The following DNAAF1 variants were observed in gnomAD, a reference collection of about 807,000 sequenced individuals.
DNAAF1 encodes dynein assembly factor 1, axonemal.
In DNAAF1, 65 loss-of-function variants were observed where a neutral mutation model predicts 71.1. The observed-to-expected ratio is 0.91, with a 90% CI of 0.75 to 1.12. The LOEUF (loss-of-function observed/expected upper bound fraction) is 1.12. Ranked by LOEUF, DNAAF1 falls within the 50% of genes most tolerant of loss-of-function variation. The probability of loss-of-function intolerance (pLI) is 0.00; values close to 1 mark genes in which losing one functional copy is unlikely to be tolerated. For synonymous variants in DNAAF1, 414 were observed against 354.6 expected (o/e 1.17, Z -1.88); for missense variants, 1,178 against 899.8 (o/e 1.31, Z -3.96).
At position 84,175,004 on chromosome 16, in the gene DNAAF1, A is replaced by T. The variant is rs139190399; in HGVS notation, c.1698+282A>T. 0.024 allele frequency among the ~76,000 whole-genome samples: 3,662 copies of T among 152,032 alleles called. 161 individuals are homozygous for T. The highest frequency in any genetic ancestry group is 0.084 in the African/African-American group (3,465 of 41,458). The stretch of plus-strand genomic sequence containing the variant: ...CCAAGTAGCTGGGATTACAGGCATG[A>T]GCCACCACGCCCAGCTAATTTTTGT... On this transcript the variant is annotated intron_variant, in intron 10 of 11. Coordinates refer to ENST00000378553, the MANE Select transcript of DNAAF1 (RefSeq NM_178452.6).
At chr16:84,153,458 C>G (rs1474089016) in intron 3 of DNAAF1, among the ~76,000 whole-genome samples, 1 of 152,114 alleles carries the variant, frequency 6.6e-6, no homozygotes, top group Non-Finnish European at 1.5e-5. Context: ...TTTAAAAAGT[C>G]TATCTATACA....
chr16:84,148,117 C>G (rs750003524), intron 1 of DNAAF1, among the ~76,000 whole-genome samples: 10 of 152,048 alleles, frequency 6.6e-5, no homozygotes, highest in Admixed American at 2.0e-4. Flanking sequence ...TTCCTTTTCT[C>G]CCCTGTACCC....
At chr16:84,164,220 G>T (rs945168442) in intron 6 of DNAAF1, among the ~76,000 whole-genome samples, 7 of 152,136 alleles carry the variant, frequency 4.6e-5, no homozygotes, top group African/African-American at 1.7e-4. Flanking sequence ...TCTTACATTC[G>T]TGTGGTACGT....
intron 9 of DNAAF1, chr16:84,174,453 CTTTCA>C: frequency 7.0e-7 from 1 of 1,427,540 alleles, no homozygotes; most frequent in Non-Finnish European, 9.2e-7. Context: ...TGCAAGTTCC[CTTTCA>C]TTTATTAGAT....
Position 84,176,039 on chromosome 16 carries a change from C to G in DNAAF1, c.1805C>G (p.Thr602Ser). The G allele has an allele frequency of 6.2e-7, 1 of 1,614,190 alleles. No individual in the cohort carries two copies. Among genetic ancestry groups the G allele is most frequent in the Non-Finnish European group, 8.5e-7 (1 of 1,180,032 alleles). Residue 602 changes from threonine (T) to serine (S), a missense_variant, in exon 11 of 12, where the codon ACT (threonine) becomes AGT (serine). Thr to Ser is a moderately conservative substitution (Grantham distance 58). Coordinates refer to ENST00000378553, the MANE Select transcript of DNAAF1 (RefSeq NM_178452.6). ...GTGCTGGAAAACCTCCCCACAGACA[C>G]TCTGTCAAATATATTTGCAGTCTCT... Reference protein sequence around the residue: ...LPVLENLPTDTLSNIFAVSKD... With the variant: ...LPVLENLPTDSLSNIFAVSKD...
In DNAAF1 at chr16:84,169,840, T is replaced by A. The variant is rs535924456; in HGVS notation, c.1031-19T>A. On this transcript the variant is annotated intron_variant, in intron 7 of 11. Transcript: ENST00000378553. Reference sequence around the variant, plus strand: ...TCCCAGGACACTCCCACATTCACCTTTGCATTTTCTGCCATTAGGGGAGAT... The same window carrying A: ...TCCCAGGACACTCCCACATTCACCTATGCATTTTCTGCCATTAGGGGAGAT... 1.9e-6 allele frequency: 3 copies of A among 1,613,196 alleles called. No homozygotes were observed. The highest frequency in any genetic ancestry group is 2.2e-5 in the East Asian group (1 of 44,886).
rs754336069 is a variant in DNAAF1 at position 84,150,616 on chromosome 16, C to CTT, written c.352+290_352+291dup. ...TAAGGAATTTTTTTTTCTTTTCTTT[C>CTT]TTTTTTTTTTTTTTTTTGAGATGGT... On this transcript the variant is annotated intron_variant, in intron 3 of 11. Transcript: ENST00000378553. Among the ~76,000 whole-genome samples, 8,292 of 130,296 alleles carry CTT rather than the reference C, an allele frequency of 0.064. 403 individuals are homozygous for CTT. The highest frequency in any genetic ancestry group is 0.094 in the Non-Finnish European group (5,877 of 62,270). 85.5% of individuals were successfully genotyped at this position (130,296 alleles called of 152,430 possible).
At chr16:84,168,822 C>CCACACACACACACACA (rs1352763766) in intron 7 of DNAAF1, among the ~76,000 whole-genome samples, 2 of 42,346 alleles carry the variant, frequency 4.7e-5, no homozygotes, top group Non-Finnish European at 1.1e-4. Context: ...TACACATTTG[C>CCACACACACACACACA]CACATACACA....
Position 84,165,788 on chromosome 16 carries a change from G to A in DNAAF1, c.869G>A (p.Cys290Tyr), listed in dbSNP as rs1405763067. ...TTTCTTTGTTTTTTAAACAGAGCTTGTGCGGAGGCCTGGGCTAGGGGAGGG... is the reference window on the plus strand; with the variant it reads ...TTTCTTTGTTTTTTAAACAGAGCTTATGCGGAGGCCTGGGCTAGGGGAGGG... ...DRPVFPKDRA[C>Y]AEAWARGGYA... is the part of the protein sequence containing the mutation. The change falls in exon 7 of 12, where the codon TGT (cysteine) becomes TAT (tyrosine). Residue 290 changes from cysteine to tyrosine, a missense_variant. By Grantham distance (194) the Cys-to-Tyr change is radical. Transcript: ENST00000378553. The A allele has an allele frequency of 6.2e-7, 1 of 1,613,542 alleles. No individual in the cohort carries two copies. The highest frequency in any genetic ancestry group is 1.3e-5 in the African/African-American group (1 of 74,842).
At chr16:84,156,151 C>T (rs1439972560) in intron 5 of DNAAF1, among the ~76,000 whole-genome samples, 1 of 152,106 alleles carries the variant, frequency 6.6e-6, no homozygotes, top group African/African-American at 2.4e-5. Context: ...TTAGTAGATT[C>T]AGGGTTTCAT....
chr16:84,164,966 A>G (rs1250655607), intron 6 of DNAAF1, among the ~76,000 whole-genome samples: 2 of 152,100 alleles, frequency 1.3e-5, no homozygotes, highest in Admixed American at 1.3e-4. Flanking sequence ...TTGTAGCCAT[A>G]TCATGTTATC....
rs1323999244 is a variant in DNAAF1 at position 84,176,289 on chromosome 16, C to T, written c.2055C>T (p.Ala685=). 38 of 1,613,264 alleles carry T rather than the reference C, an allele frequency of 2.4e-5. 1 individual carries two copies. The Admixed American group carries it at 5.7e-4, about 24-fold the overall frequency. The part of the protein sequence containing the change: ...SGDRDSDFLA[A]SSPVPTESAA... The stretch of plus-strand genomic sequence containing the variant: ...ACAGGGACAGCGACTTCCTTGCAGC[C>T]TCTTCTCCGGGTAAGAGCGTGGGGC... The change falls in exon 11 of 12, where the codon GCC becomes GCT. Residue 685 remains alanine (A), a synonymous_variant. Transcript: ENST00000378553.
At chr16:84,163,997 G>A (rs910684485) in intron 6 of DNAAF1, among the ~76,000 whole-genome samples, 1 of 152,058 alleles carries the variant, frequency 6.6e-6, no homozygotes, top group Non-Finnish European at 1.5e-5. Flanking sequence ...TAGAGACGGG[G>A]TCTTGCCATG....
chr16:84,153,793 G>A (rs2087288786), intron 3 of DNAAF1, among the ~76,000 whole-genome samples: 1 of 152,110 alleles, frequency 6.6e-6, no homozygotes, highest in African/African-American at 2.4e-5. Context: ...ACAAAACAAG[G>A]CCCACAGTTT....
At chr16:84,172,955 C>G (rs1380104081) in intron 9 of DNAAF1, 1 of 1,005,686 alleles carries the variant, frequency 9.9e-7, no homozygotes, top group African/African-American at 1.7e-5. Context: ...GTCTCAAATG[C>G]TTAGGCCCAC....
chr16:84,155,821 A>G (rs2087399588), intron 5 of DNAAF1, 72 bp downstream of exon 5: 4 of 1,568,292 alleles, frequency 2.6e-6, no homozygotes, highest in East Asian at 2.3e-5. Context: ...TCAAATATCA[A>G]GTCCTTTTGT....
At chr16:84,155,204 A>G (rs541590578) in intron 4 of DNAAF1, among the ~76,000 whole-genome samples, 21 of 151,660 alleles carry the variant, frequency 1.4e-4, no homozygotes, top group East Asian at 5.9e-4. Flanking sequence ...CACCATGCCC[A>G]GCCAAGAAGT....
At chr16:84,146,425 T>C (rs1275113526) in intron 1 of DNAAF1, among the ~76,000 whole-genome samples, 1 of 151,966 alleles carries the variant, frequency 6.6e-6, no homozygotes, top group Non-Finnish European at 1.5e-5. Flanking sequence ...ACTTGAAAGA[T>C]AACCTTCATG....
At chr16:84,166,909 G>C (rs961423778) in intron 7 of DNAAF1, among the ~76,000 whole-genome samples, 3 of 152,196 alleles carry the variant, frequency 2.0e-5, no homozygotes, top group Non-Finnish European at 4.4e-5. Flanking sequence ...CACACTTGTG[G>C]TCACGCAATG....
Sources: gnomAD v4.1 joint callset for allele counts (sites outside exome capture counted in the v4.1 genomes callset) on GRCh38, gnomAD v4.1.1 for gene constraint, MANE v1.5 for transcripts, NCBI Gene and HGNC (gene_info 2026-07-23, HGNC 2026-07-21) for gene names.